UNC5B: variants seen among roughly 807,000 people sequenced by gnomAD.
UNC5B encodes the protein netrin receptor UNC5B.
Under a neutral mutation model 103.7 loss-of-function variants are expected in UNC5B, and 56 were observed. The ratio of observed to expected loss-of-function variants is 0.54; its 90% CI spans 0.44 to 0.67. The LOEUF (loss-of-function observed/expected upper bound fraction) is 0.67. Ranked by LOEUF, UNC5B falls within the 30% of genes least tolerant of loss-of-function variation. The pLI is 0.00. For synonymous variants in UNC5B, 577 were observed against 542.0 expected (o/e 1.06, Z -0.90); for missense variants, 1,194 against 1,284.5 (o/e 0.93, Z 1.08).
At chr10:71,236,239 G>T (rs532619182) in intron 1 of UNC5B, among the ~76,000 whole-genome samples, 2 of 152,222 alleles carry the variant, frequency 1.3e-5, no homozygotes, top group Non-Finnish European at 2.9e-5. Flanking sequence ...TCAGACTAGG[G>T]ACCTCAGGAC....
Position 71,212,932 on chromosome 10 carries a change from T to C in UNC5B, c.-54T>C. ...GCGGCGGAGACGGCGGCGGCGAGAC[T>C]GGGGCCAGGGAGACAGCCCTGGGGG... On this transcript the variant is annotated 5_prime_UTR_variant, in exon 1 of 17. Transcript: ENST00000335350. 2 of 1,236,170 alleles carry C rather than the reference T, an allele frequency of 1.6e-6. No individual in the cohort carries two copies. The highest frequency in any genetic ancestry group is 1.5e-5 in the African/African-American group (1 of 64,848). The allele number at this position is 1,236,170 out of a possible 1,614,324, so 76.6% of individuals were successfully genotyped here. A position where few individuals can be genotyped will look rare whatever the true frequency, so the allele number is the denominator to read the frequency against.
intron 1 of UNC5B, among the ~76,000 whole-genome samples, chr10:71,270,467 C>T (rs1376189885): frequency 6.6e-6 from 1 of 152,036 alleles, no homozygotes; most frequent in Non-Finnish European, 1.5e-5. Flanking sequence ...ACAGAGAAGC[C>T]GCAGGAGGCT....
intron 1 of UNC5B, among the ~76,000 whole-genome samples, chr10:71,242,515 T>A (rs1843928586): frequency 6.6e-6 from 1 of 152,194 alleles, no homozygotes; most frequent in African/African-American, 2.4e-5. Flanking sequence ...GGGCAGGGCC[T>A]GTCCACCCTC....
Position 71,288,741 on chromosome 10 carries a change from C to T in UNC5B, c.1066+9C>T. The stretch of plus-strand genomic sequence containing the variant: ...TGGGCTGTGCATGCAAAGTGAGTCA[C>T]AGGGAAGGTGGGGCCCTGGGGGTGG... On this transcript the variant is annotated intron_variant, in intron 7 of 16. Transcript: ENST00000335350. 6.2e-7 allele frequency: 1 copy of T among 1,601,778 alleles called. No individual in the cohort carries two copies. Among genetic ancestry groups the T allele is most frequent in the Non-Finnish European group, 8.5e-7 (1 of 1,172,182 alleles).
chr10:71,215,420 T>G (rs1433680718), intron 1 of UNC5B, among the ~76,000 whole-genome samples: 1 of 152,076 alleles, frequency 6.6e-6, no homozygotes, highest in Non-Finnish European at 1.5e-5. Context: ...ACTGGGGGTG[T>G]CCAAGCTCCC....
At position 71,295,858 on chromosome 10, in the gene UNC5B, G is replaced by A; in HGVS notation, c.2223G>A (p.Glu741=). 1 of 1,613,048 alleles carries A rather than the reference G, an allele frequency of 6.2e-7. No homozygotes were observed. Among genetic ancestry groups the A allele is most frequent in the Non-Finnish European group, 8.5e-7 (1 of 1,179,976 alleles). The change falls in exon 14 of 17, where the codon GAG becomes GAA. Residue 741 remains glutamate, a synonymous_variant. Transcript: ENST00000335350. ...ERTLGGYLVE[E]PKPLMFKDSY... Reference sequence around the variant, plus strand: ...CTCTGGGCGGATACTTGGTGGAGGAGCCGAAACCGCTAATGTTCAAGGACA... The same window carrying A: ...CTCTGGGCGGATACTTGGTGGAGGAACCGAAACCGCTAATGTTCAAGGACA...
Position 71,296,933 on chromosome 10 carries a change from G to A in UNC5B, c.2490+191G>A, listed in dbSNP as rs12246871. Among the ~76,000 whole-genome samples the A allele has an allele frequency of 1.0e-3, 130 of 126,378 alleles. 2 individuals are homozygous for A. Among genetic ancestry groups the A allele is most frequent in the African/African-American group, 4.0e-3 (103 of 26,036 alleles). The allele number at this position is 126,378 out of a possible 152,430, so 82.9% of individuals were successfully genotyped here. A position where few individuals can be genotyped will look rare whatever the true frequency, so the allele number is the denominator to read the frequency against. ...GGCAGATATTCCAGCTGCACACCAC[G>A]CTGGCGGAGGTGAGGGAAGGGCGGC... On this transcript the variant is annotated intron_variant, in intron 15 of 16. Coordinates refer to ENST00000335350, the MANE Select transcript of UNC5B (RefSeq NM_170744.5).
At chr10:71,227,641 C>CATACAT (rs1380946851) in intron 1 of UNC5B, among the ~76,000 whole-genome samples, 1 of 137,700 alleles carries the variant, frequency 7.3e-6, no homozygotes, top group African/African-American at 3.1e-5. Flanking sequence ...TATATATACA[C>CATACAT]ATATACATAT....
chr10:71,226,713 A>G (rs1273814467), intron 1 of UNC5B, among the ~76,000 whole-genome samples: 3 of 152,254 alleles, frequency 2.0e-5, no homozygotes, highest in Non-Finnish European at 2.9e-5. Context: ...GGAATGCAAG[A>G]GTGGTTCCAA....
chr10:71,234,832 C>T (rs1288109333), intron 1 of UNC5B, among the ~76,000 whole-genome samples: 1 of 152,200 alleles, frequency 6.6e-6, no homozygotes, highest in Non-Finnish European at 1.5e-5. Context: ...AAACCTGGGC[C>T]TCTCTTCCTC....
rs1006600069 is a variant in UNC5B at position 71,277,702 on chromosome 10, C to T, written c.80-2119C>T. ...GCCTATAGTGAATGTATCCCTGTAC[C>T]TGGCAGTGGGAAGCAGGTGTCAGGG... On this transcript the variant is annotated intron_variant, in intron 1 of 16. Coordinates refer to ENST00000335350, the MANE Select transcript of UNC5B (RefSeq NM_170744.5). Among the ~76,000 whole-genome samples the T allele has an allele frequency of 4.6e-5, 7 of 152,230 alleles. No homozygotes were observed. In the East Asian group the frequency reaches 1.3e-3, roughly 29 times the overall value.
intron 10 of UNC5B, among the ~76,000 whole-genome samples, 169 bp downstream of exon 10, chr10:71,291,990 A>G (rs749618221): frequency 3.3e-5 from 5 of 152,166 alleles, no homozygotes; most frequent in Non-Finnish European, 7.3e-5. Context: ...CTGACTAGAA[A>G]AGCTAGGCTT....
chr10:71,291,246 A>G lies in UNC5B; in HGVS notation c.1294+137A>G. On this transcript the variant is annotated intron_variant, in intron 9 of 16. Transcript: ENST00000335350. The stretch of plus-strand genomic sequence containing the variant: ...GTTTGCTCTAGAGATAACTATGTGG[A>G]TGGGTATGGATTAGAGAACTACCGA... 4 of 1,322,240 alleles carry G rather than the reference A, an allele frequency of 3.0e-6. No homozygotes were observed. The South Asian group carries it at 4.3e-5, about 14-fold the overall frequency. 81.9% of individuals were successfully genotyped at this position (1,322,240 alleles called of 1,614,324 possible).
intron 2 of UNC5B, among the ~76,000 whole-genome samples, chr10:71,283,639 A>G (rs1431545313): frequency 6.6e-6 from 1 of 152,144 alleles, no homozygotes; most frequent in Non-Finnish European, 1.5e-5. Context: ...CTGGAGGAGG[A>G]AGAGGGCTCT....
chr10:71,291,435 A>G lies in UNC5B; in HGVS notation c.1298A>G (p.Asn433Ser), dbSNP rs1230109367. ...ACTATAGCCCCTACTCCTGCAGGCA[A>G]CCCGCAGCTCCTACACCCCTCTGTG... The part of the protein sequence containing the change: ...PVNFKTARPS[N>S]PQLLHPSVPP... The change falls in exon 10 of 17, where the codon AAC (asparagine) becomes AGC (serine). Residue 433 changes from asparagine to serine, a missense_variant. Transcript: ENST00000335350. 9.4e-6 allele frequency: 15 copies of G among 1,600,382 alleles called. No individual in the cohort carries two copies. The highest frequency in any genetic ancestry group is 1.7e-5 in the Admixed American group (1 of 58,812).
intron 1 of UNC5B, among the ~76,000 whole-genome samples, chr10:71,254,803 G>A (rs1162120368): frequency 6.6e-6 from 1 of 152,204 alleles, no homozygotes; most frequent in Non-Finnish European, 1.5e-5. Context: ...ACAGCAGCCT[G>A]GCGCCCTTAG....
chr10:71,256,873 A>C (rs1313773928), intron 1 of UNC5B, among the ~76,000 whole-genome samples: 2 of 152,242 alleles, frequency 1.3e-5, no homozygotes, highest in African/African-American at 4.8e-5. Flanking sequence ...GAGCTGAGAC[A>C]AGAACCCTGG....
At chr10:71,263,507 C>T (rs1444912437) in intron 1 of UNC5B, among the ~76,000 whole-genome samples, 3 of 152,282 alleles carry the variant, frequency 2.0e-5, no homozygotes, top group Non-Finnish European at 4.4e-5. Context: ...AAGAGCCACC[C>T]GGAAGCAGAC....
intron 4 of UNC5B, among the ~76,000 whole-genome samples, chr10:71,286,292 C>G (rs1430643436): frequency 6.6e-6 from 1 of 152,228 alleles, no homozygotes; most frequent in Non-Finnish European, 1.5e-5. Flanking sequence ...TTCTTCCTGG[C>G]TAGCAGAGCT....
Sources: allele counts gnomAD v4.1 joint callset (sites outside exome capture counted in the v4.1 genomes callset), GRCh38; gene constraint gnomAD v4.1.1; transcripts MANE v1.5; gene names NCBI Gene and HGNC (gene_info 2026-07-23, HGNC 2026-07-21).